MCTP1: variants seen among roughly 807,000 people sequenced by gnomAD.
MCTP1 encodes the protein multiple C2 and transmembrane domain-containing protein 1.
MCTP1 carries 69 observed loss-of-function variants against 120.6 expected under a neutral mutation model. The observed-to-expected ratio is 0.57, with a 90% CI of 0.47 to 0.70. MCTP1 has a LOEUF of 0.70. MCTP1 is among the 30% of genes least tolerant of loss of function. MCTP1 has a pLI of 0.00. For missense variants in MCTP1, 1,203 were observed against 1,248.8 expected, an observed-to-expected ratio of 0.96 and a Z score of 0.55; for synonymous variants, 529 against 493.1, an observed-to-expected ratio of 1.07 and a Z score of -0.96.
chr5:94,924,119 G>A (rs568813878), intron 6 of MCTP1, 98 bp from the exon 7 acceptor site: 12 of 660,176 alleles, frequency 1.8e-5, no homozygotes, highest in South Asian at 1.2e-4. Context: ...ATAAAAAATC[G>A]AAAATTATAT....
chr5:95,271,492 A>G (rs1200652206), intron 1 of MCTP1, among the ~76,000 whole-genome samples: 1 of 151,718 alleles, frequency 6.6e-6, no homozygotes, highest in Non-Finnish European at 1.5e-5. Context: ...ATATCAATAG[A>G]GAAACTCACC....
intron 19 of MCTP1, among the ~76,000 whole-genome samples, chr5:94,744,091 T>C (rs1177721370): frequency 6.6e-6 from 1 of 150,938 alleles, no homozygotes; most frequent in African/African-American, 2.4e-5. Context: ...CCACCTCAGC[T>C]TCCGGAGTAG....
chr5:94,917,781 A>G, intron 8 of MCTP1, 115 bp downstream of exon 8: 1 of 669,592 alleles, frequency 1.5e-6, no homozygotes, highest in Admixed American at 2.7e-5. Context: ...TCCTTTTCAT[A>G]TCTACAAAAT....
In MCTP1 at chr5:94,914,238, G is replaced by T. The variant is rs115154353; in HGVS notation, c.1351-1262C>A. On this transcript the variant is annotated intron_variant, in intron 8 of 22. Transcript: ENST00000515393. ...TTCCTACTCACAGTCATTTCATAAAGAAATTCAACATTCCTCTCAACCTCA... is the reference window on the plus strand; with the variant it reads ...TTCCTACTCACAGTCATTTCATAAATAAATTCAACATTCCTCTCAACCTCA... 5.1e-3 allele frequency among the ~76,000 whole-genome samples: 781 copies of T among 152,266 alleles called. 6 individuals are homozygous for T. The highest frequency in any genetic ancestry group is 0.031 in the Middle Eastern group (9 of 292).
chr5:95,218,432 A>C (rs1319810314), intron 1 of MCTP1, among the ~76,000 whole-genome samples: 2 of 152,164 alleles, frequency 1.3e-5, no homozygotes, highest in African/African-American at 4.8e-5. Flanking sequence ...GAATGCTTCA[A>C]CTAGTAATCT....
At chr5:94,714,120 A>G (rs538439962) in intron 20 of MCTP1, among the ~76,000 whole-genome samples, 1 of 152,228 alleles carries the variant, frequency 6.6e-6, no homozygotes, top group South Asian at 2.1e-4. Flanking sequence ...TAGATAAAAC[A>G]CATACGTATA....
At position 95,132,499 on chromosome 5, in the gene MCTP1, G is replaced by A. The variant is rs551278544; in HGVS notation, c.721-115015C>T. 5.3e-5 allele frequency among the ~76,000 whole-genome samples: 8 copies of A among 152,296 alleles called. No homozygotes were observed. In the South Asian group the frequency reaches 6.2e-4, roughly 12 times the overall value. The stretch of plus-strand genomic sequence containing the variant: ...GCATAAAACAACAGAGAAGTATTCC[G>A]ATAGAATTCCTATGTGCAGAAATGA... On this transcript the variant is annotated intron_variant, in intron 1 of 22. Coordinates refer to ENST00000515393, the MANE Select transcript of MCTP1 (RefSeq NM_024717.7).
At chr5:95,026,444 C>T (rs1839276835) in intron 1 of MCTP1, among the ~76,000 whole-genome samples, 1 of 152,104 alleles carries the variant, frequency 6.6e-6, no homozygotes, top group African/African-American at 2.4e-5. Context: ...TCCCCTCAAC[C>T]CCCAACTACC....
intron 1 of MCTP1, among the ~76,000 whole-genome samples, chr5:95,043,840 T>G (rs1056914736): frequency 2.6e-5 from 4 of 152,168 alleles, no homozygotes; most frequent in African/African-American, 9.7e-5. Context: ...TCTAAAGGGC[T>G]TGGCCTACGG....
chr5:95,026,008 A>G (rs868016120), intron 1 of MCTP1, among the ~76,000 whole-genome samples: 6 of 152,178 alleles, frequency 3.9e-5, no homozygotes, highest in African/African-American at 1.4e-4. Flanking sequence ...ATATAAATAA[A>G]GAGAGCTTCC....
intron 1 of MCTP1, among the ~76,000 whole-genome samples, chr5:95,067,835 A>G (rs1751078661): frequency 6.6e-6 from 1 of 152,150 alleles, no homozygotes; most frequent in African/African-American, 2.4e-5. Flanking sequence ...ACAATTTGGA[A>G]ATATACAATA....
At chr5:95,215,236 C>A (rs1326042249) in intron 1 of MCTP1, among the ~76,000 whole-genome samples, 1 of 152,154 alleles carries the variant, frequency 6.6e-6, no homozygotes, top group Non-Finnish European at 1.5e-5. Context: ...CTCCCTGAGA[C>A]CCTCCCTGAT....
chr5:95,234,146 A>G (rs575136733), intron 1 of MCTP1, among the ~76,000 whole-genome samples: 1 of 152,338 alleles, frequency 6.6e-6, no homozygotes, highest in Non-Finnish European at 1.5e-5. Context: ...ACTTTTGTCA[A>G]CAAACAAATC....
At chr5:94,726,086 G>A (rs887466727) in intron 19 of MCTP1, among the ~76,000 whole-genome samples, 2 of 152,152 alleles carry the variant, frequency 1.3e-5, no homozygotes, top group Admixed American at 6.5e-5. Flanking sequence ...ATTCACACGA[G>A]GGTGATGGAT....
At chr5:94,800,140 T>G (rs929703594) in intron 17 of MCTP1, among the ~76,000 whole-genome samples, 2 of 152,332 alleles carry the variant, frequency 1.3e-5, no homozygotes, top group Middle Eastern at 3.4e-3. Flanking sequence ...CTCAGGGTTG[T>G]GAGAATTAAA....
chr5:94,968,477 A>G (rs1646492002), intron 2 of MCTP1, among the ~76,000 whole-genome samples: 1 of 152,308 alleles, frequency 6.6e-6, no homozygotes, highest in African/African-American at 2.4e-5. Flanking sequence ...CACGTTTTCA[A>G]GATTATATTA....
intron 1 of MCTP1, among the ~76,000 whole-genome samples, chr5:95,032,930 A>G (rs1840571510): frequency 6.6e-6 from 1 of 151,968 alleles, no homozygotes; most frequent in Admixed American, 6.6e-5. Context: ...ACAAAAGATC[A>G]AAAGGAATAC....
chr5:95,260,135 G>A (rs1290787590), intron 1 of MCTP1, among the ~76,000 whole-genome samples: 1 of 152,106 alleles, frequency 6.6e-6, no homozygotes, highest in Non-Finnish European at 1.5e-5. Context: ...CCATGTATCT[G>A]TAAGGGTATT....
intron 1 of MCTP1, among the ~76,000 whole-genome samples, chr5:95,036,293 C>A (rs1350957531): frequency 6.6e-6 from 1 of 152,182 alleles, no homozygotes; most frequent in African/African-American, 2.4e-5. Context: ...TTATTTAATA[C>A]TTGAATTTTT....
Sources: gnomAD v4.1 joint callset for allele counts (sites outside exome capture counted in the v4.1 genomes callset) on GRCh38, gnomAD v4.1.1 for gene constraint, MANE v1.5 for transcripts, NCBI Gene and HGNC (gene_info 2026-07-23, HGNC 2026-07-21) for gene names.